The following OSTM1 variants were observed in gnomAD, a reference collection of about 807,000 sequenced individuals.
OSTM1 encodes the protein osteopetrosis-associated transmembrane protein 1.
In OSTM1, 26 loss-of-function variants were observed where a neutral mutation model predicts 35.4. That is an observed-to-expected ratio of 0.73 (90% CI 0.54 to 1.02). The LOEUF (loss-of-function observed/expected upper bound fraction) is 1.02, where lower values mean the gene tolerates loss of function less well. OSTM1 is among the 50% of genes least tolerant of loss of function. The pLI, the probability that OSTM1 is intolerant of heterozygous loss-of-function variation, is 0.00. For synonymous variants in OSTM1, 181 were observed against 165.0 expected, an observed-to-expected ratio of 1.10 and a Z score of -0.75; for missense variants, 366 against 409.6, an observed-to-expected ratio of 0.89 and a Z score of 0.92.
At chr6:108,061,857 T>C (rs189503909) in intron 2 of OSTM1, among the ~76,000 whole-genome samples, 15 of 152,170 alleles carry the variant, frequency 9.9e-5, no homozygotes, top group Admixed American at 7.2e-4. Flanking sequence ...AAAAACCCTT[T>C]TAAAAAAATC....
At chr6:108,074,180 G>C in intron 1 of OSTM1, 70 bp downstream of exon 1, 1 of 1,489,758 alleles carries the variant, frequency 6.7e-7, no homozygotes, top group Non-Finnish European at 9.2e-7. Context: ...CCCCAGCGCT[G>C]ACCATCATTA....
chr6:108,048,724 T>C (rs1252244917), intron 5 of OSTM1, among the ~76,000 whole-genome samples: 2 of 150,628 alleles, frequency 1.3e-5, no homozygotes, highest in Non-Finnish European at 3.0e-5. Flanking sequence ...CTCAATTTAA[T>C]CATCTGAAAG....
chr6:108,049,692 C>T (rs1772043329), intron 4 of OSTM1: 1 of 435,260 alleles, frequency 2.3e-6, no homozygotes, highest in African/African-American at 2.0e-5. Flanking sequence ...TTTGTACATT[C>T]AAACAAAGAA....
At chr6:108,052,706 C>T (rs1205475486) in intron 3 of OSTM1, among the ~76,000 whole-genome samples, 2 of 151,986 alleles carry the variant, frequency 1.3e-5, no homozygotes, top group Non-Finnish European at 2.9e-5. Context: ...AAGTTGCAGA[C>T]ATTAGGATGA....
At chr6:108,054,403 A>G (rs1772135165) in intron 3 of OSTM1, 87 bp downstream of exon 3, 2 of 619,870 alleles carry the variant, frequency 3.2e-6, no homozygotes, top group Non-Finnish European at 5.7e-6. Context: ...GATAAATATC[A>G]ATAATTAGTG....
intron 2 of OSTM1, among the ~76,000 whole-genome samples, chr6:108,055,127 G>A (rs556427519): frequency 6.6e-5 from 10 of 152,246 alleles, no homozygotes; most frequent in African/African-American, 2.2e-4. Context: ...ATACTGACGT[G>A]GGGGCTTCAA....
chr6:108,043,896 C>G lies in OSTM1; in HGVS notation c.*889G>C, dbSNP rs1027410849. ...AGCTGGTTTTACCCCTCCTGTCTCT[C>G]TTCTCCAAAATCCTCTATATATCTT... On this transcript the variant is annotated 3_prime_UTR_variant, in exon 6 of 6. Coordinates refer to ENST00000193322, the MANE Select transcript of OSTM1 (RefSeq NM_014028.4). The G allele has an allele frequency of 6.6e-6, 1 of 152,260 alleles. No homozygotes were observed. The highest frequency in any genetic ancestry group is 1.9e-4 in the East Asian group (1 of 5,196). 9.4% of individuals were successfully genotyped at this position (152,260 alleles called of 1,614,324 possible).
chr6:108,056,877 T>C (rs1391059064), intron 2 of OSTM1, among the ~76,000 whole-genome samples: 2 of 152,182 alleles, frequency 1.3e-5, no homozygotes, highest in Non-Finnish European at 2.9e-5. Flanking sequence ...TCACTACAAA[T>C]TAGGAAACTA....
intron 2 of OSTM1, among the ~76,000 whole-genome samples, chr6:108,059,230 A>G (rs893631092): frequency 6.6e-6 from 1 of 152,228 alleles, no homozygotes; most frequent in Non-Finnish European, 1.5e-5. Context: ...TCAACAATAC[A>G]CACCTTTAAA....
chr6:108,054,385 T>A (rs1772134870), intron 3 of OSTM1, 105 bp downstream of exon 3: 3 of 561,590 alleles, frequency 5.3e-6, no homozygotes, highest in Non-Finnish European at 9.4e-6. Flanking sequence ...CTTTACATCA[T>A]GAATTTAGAT....
At chr6:108,072,431 C>T (rs983534828) in intron 1 of OSTM1, among the ~76,000 whole-genome samples, 1 of 151,940 alleles carries the variant, frequency 6.6e-6, no homozygotes, top group African/African-American at 2.4e-5. Context: ...GCCAGGAGTT[C>T]GAGAACAGCC....
At chr6:108,057,627 A>C (rs1483930615) in intron 2 of OSTM1, among the ~76,000 whole-genome samples, 1 of 152,232 alleles carries the variant, frequency 6.6e-6, no homozygotes, top group East Asian at 1.9e-4. Flanking sequence ...CTGAAGAACA[A>C]AAGAACTTAA....
intron 2 of OSTM1, among the ~76,000 whole-genome samples, chr6:108,061,560 C>A (rs1772271988): frequency 6.6e-6 from 1 of 151,548 alleles, no homozygotes; most frequent in African/African-American, 2.4e-5. Flanking sequence ...GGGTCTTGCT[C>A]TGTTGCCTAG....
chr6:108,042,296 TAA>T lies in OSTM1; in HGVS notation c.*2487_*2488del, dbSNP rs879213270. ...AAAAAAAAAAAAAAAAAATTAATTATAAAAAAAAAAGAAAAAATATATCTGAT... is the reference window on the plus strand; with the variant it reads ...AAAAAAAAAAAAAAAAAATTAATTATAAAAAAAAGAAAAAATATATCTGAT... On this transcript the variant is annotated 3_prime_UTR_variant, in exon 6 of 6. Transcript: ENST00000193322. 4 of 140,108 alleles carry T rather than the reference TAA, an allele frequency of 2.9e-5. No individual in the cohort carries two copies. The highest frequency in any genetic ancestry group is 1.0e-4 in the African/African-American group (4 of 38,162). 8.7% of individuals were successfully genotyped at this position (140,108 alleles called of 1,614,324 possible).
In OSTM1 at chr6:108,044,564, T is replaced by C. The variant is rs1257001791; in HGVS notation, c.*221A>G. The C allele has an allele frequency of 7.1e-6, 3 of 425,432 alleles. No homozygotes were observed. Among genetic ancestry groups the C allele is most frequent in the Non-Finnish European group, 1.3e-5 (3 of 237,902 alleles). The allele number at this position is 425,432 out of a possible 1,614,324, so 26.4% of individuals were successfully genotyped here. A position where few individuals can be genotyped will look rare whatever the true frequency, so the allele number is the denominator to read the frequency against. On this transcript the variant is annotated 3_prime_UTR_variant, in exon 6 of 6. Coordinates refer to ENST00000193322, the MANE Select transcript of OSTM1 (RefSeq NM_014028.4). ...TTATTGTGACAAATACACATTAAAA[T>C]AGATAACATTGCTATGCCTGGAAAT...
rs763905909 is a variant in OSTM1 at position 108,074,292 on chromosome 6, T to C, written c.360A>G (p.Gln120=). The change falls in exon 1 of 6, where the codon CAA becomes CAG. Residue 120 remains glutamine (Q), a synonymous_variant. Coordinates refer to ENST00000193322, the MANE Select transcript of OSTM1 (RefSeq NM_014028.4). ...TGTTGTCCATCTTGCTGACGACCTG[T>C]TGGAAGAGGGGGTAGCAGGTCTGAC... is the stretch of plus-strand genomic sequence containing the variant. ...RLCQTCYPLF[Q]QVVSKMDNIS... 1.1e-5 allele frequency: 18 copies of C among 1,612,434 alleles called. No individual in the cohort carries two copies. In the South Asian group the frequency reaches 1.9e-4, roughly 17 times the overall value.
At chr6:108,053,338 G>A (rs1297024863) in intron 3 of OSTM1, among the ~76,000 whole-genome samples, 1 of 152,162 alleles carries the variant, frequency 6.6e-6, no homozygotes, top group African/African-American at 2.4e-5. Context: ...ATATAAAAGG[G>A]ATGACTTTAT....
At chr6:108,057,326 A>T (rs1056593708) in intron 2 of OSTM1, among the ~76,000 whole-genome samples, 2 of 152,176 alleles carry the variant, frequency 1.3e-5, no homozygotes, top group Non-Finnish European at 2.9e-5. Flanking sequence ...AAACAATTAC[A>T]TAGTTTTTGT....
chr6:108,044,546 G>T lies in OSTM1; in HGVS notation c.*239C>A. 1 of 365,012 alleles carries T rather than the reference G, an allele frequency of 2.7e-6. No homozygotes were observed. The highest frequency in any genetic ancestry group is 4.9e-6 in the Non-Finnish European group (1 of 202,602). 22.6% of individuals were successfully genotyped at this position (365,012 alleles called of 1,614,324 possible). A position where few individuals can be genotyped will look rare whatever the true frequency, so the allele number is the denominator to read the frequency against. ...TTGTTCTTGCATGTTCTGTTATTGT[G>T]ACAAATACACATTAAAATAGATAAC... On this transcript the variant is annotated 3_prime_UTR_variant, in exon 6 of 6. Transcript: ENST00000193322.
Sources: allele counts gnomAD v4.1 joint callset (sites outside exome capture counted in the v4.1 genomes callset), GRCh38; gene constraint gnomAD v4.1.1; transcripts MANE v1.5; gene names NCBI Gene and HGNC (gene_info 2026-07-23, HGNC 2026-07-21).